SIPA1L1: variants seen among roughly 807,000 people sequenced by gnomAD.
SIPA1L1 encodes signal-induced proliferation-associated 1-like protein 1.
SIPA1L1 carries 26 observed loss-of-function variants against 162.7 expected under a neutral mutation model. The observed-to-expected ratio is 0.16, with a 90% CI of 0.12 to 0.22. The LOEUF is 0.22. SIPA1L1 is among the 10% of genes least tolerant of loss of function. The pLI is 1.00. For missense variants in SIPA1L1, 1,874 were observed against 2,241.0 expected (o/e 0.84, Z 3.31); for synonymous variants, 829 against 837.4 (o/e 0.99, Z 0.17).
intron 3 of SIPA1L1, among the ~76,000 whole-genome samples, chr14:71,527,009 T>G (rs1403046451): frequency 6.6e-6 from 1 of 152,232 alleles, no homozygotes; most frequent in African/African-American, 2.4e-5. Flanking sequence ...AGTCTTGGTG[T>G]TGTCAGATTT....
chr14:71,628,605 G>GT (rs2040265479), intron 7 of SIPA1L1, among the ~76,000 whole-genome samples: 1 of 152,212 alleles, frequency 6.6e-6, no homozygotes, highest in South Asian at 2.1e-4. Flanking sequence ...AAATAGGCTA[G>GT]TAAGACATAG....
At chr14:71,597,437 C>T (rs1451154612) in intron 5 of SIPA1L1, among the ~76,000 whole-genome samples, 2 of 151,606 alleles carry the variant, frequency 1.3e-5, no homozygotes, top group African/African-American at 4.9e-5. Flanking sequence ...GTTTTTTCTT[C>T]TTCATGCTGT....
intron 2 of SIPA1L1, among the ~76,000 whole-genome samples, chr14:71,462,735 A>G (rs962246326): frequency 9.9e-5 from 15 of 152,208 alleles, no homozygotes; most frequent in Non-Finnish European, 1.6e-4. Flanking sequence ...CACTCAGCAT[A>G]ATGTCATCAA....
intron 2 of SIPA1L1, among the ~76,000 whole-genome samples, chr14:71,342,247 A>G (rs535490388): frequency 8.5e-5 from 13 of 152,098 alleles, no homozygotes; most frequent in African/African-American, 3.1e-4. Context: ...CAAATGATCC[A>G]CCTGCATTTT....
chr14:71,413,569 C>A (rs190978515), intron 2 of SIPA1L1, among the ~76,000 whole-genome samples: 5 of 152,254 alleles, frequency 3.3e-5, no homozygotes, highest in Non-Finnish European at 5.9e-5. Flanking sequence ...GAAACCCCGT[C>A]TCTGCTAAAA....
chr14:71,678,954 G>A (rs561360980), intron 12 of SIPA1L1, among the ~76,000 whole-genome samples: 4 of 152,176 alleles, frequency 2.6e-5, no homozygotes, highest in African/African-American at 9.6e-5. Context: ...CCAAATCTAC[G>A]TCTGATTGGT....
chr14:71,462,157 A>G (rs1347884327), intron 2 of SIPA1L1, among the ~76,000 whole-genome samples: 1 of 152,230 alleles, frequency 6.6e-6, no homozygotes, highest in African/African-American at 2.4e-5. Flanking sequence ...CCCATAGTCA[A>G]ATGTTCAGTT....
chr14:71,352,584 T>G (rs1566921273), intron 2 of SIPA1L1, among the ~76,000 whole-genome samples: 1 of 152,208 alleles, frequency 6.6e-6, no homozygotes. Flanking sequence ...AGTTTATTCA[T>G]TTTTGTTGCT....
Position 71,564,580 on chromosome 14 carries a change from G to A in SIPA1L1, c.-302-22991G>A, listed in dbSNP as rs2029935505. Among the ~76,000 whole-genome samples the A allele has an allele frequency of 2.8e-5, 4 of 144,844 alleles. No homozygotes were observed. In the South Asian group the frequency reaches 8.7e-4, roughly 32 times the overall value. ...GGCTCACTGCAACCTCTGCCTCCCAGGGGTTCAGGCAATTCTCCTGCCTCA... is the reference window on the plus strand; with the variant it reads ...GGCTCACTGCAACCTCTGCCTCCCAAGGGTTCAGGCAATTCTCCTGCCTCA... On this transcript the variant is annotated intron_variant, in intron 4 of 23. Transcript: ENST00000381232.
At chr14:71,432,324 C>T (rs1242254661) in intron 2 of SIPA1L1, among the ~76,000 whole-genome samples, 3 of 152,140 alleles carry the variant, frequency 2.0e-5, no homozygotes, top group African/African-American at 4.8e-5. Context: ...CCTCCTGCCT[C>T]GGCCTCCCAG....
intron 3 of SIPA1L1, among the ~76,000 whole-genome samples, chr14:71,522,818 C>G (rs559823073): frequency 6.6e-6 from 1 of 151,942 alleles, no homozygotes. Flanking sequence ...CTCAGCCTCC[C>G]GAGTAGTTGG....
intron 2 of SIPA1L1, among the ~76,000 whole-genome samples, chr14:71,474,021 C>A (rs140639663): frequency 7.8e-4 from 119 of 152,318 alleles, no homozygotes; most frequent in African/African-American, 2.8e-3. Context: ...AAGGGTCCTG[C>A]ATTCCCTTGT....
chr14:71,738,985 C>T (rs371544949), intron 23 of SIPA1L1, 33 bp from the exon 24 acceptor site: 7 of 1,605,628 alleles, frequency 4.4e-6, no homozygotes, highest in Non-Finnish European at 6.0e-6. Context: ...GGGCCAACAC[C>T]TCTTAGCTTT....
chr14:71,427,834 T>C (rs1286840750), intron 2 of SIPA1L1, among the ~76,000 whole-genome samples: 2 of 152,074 alleles, frequency 1.3e-5, no homozygotes, highest in African/African-American at 2.4e-5. Flanking sequence ...TTCCTTTAGT[T>C]CTTTGTTTAT....
At chr14:71,420,564 T>TC (rs1426974374) in intron 2 of SIPA1L1, among the ~76,000 whole-genome samples, 3 of 152,216 alleles carry the variant, frequency 2.0e-5, no homozygotes, top group African/African-American at 7.2e-5. Flanking sequence ...TTCACTAACA[T>TC]CCAGAAGTAA....
intron 4 of SIPA1L1, among the ~76,000 whole-genome samples, chr14:71,563,576 A>T (rs550512760): frequency 6.6e-6 from 1 of 152,376 alleles, no homozygotes; most frequent in East Asian, 1.9e-4. Context: ...TGAGTGTAAC[A>T]TCTGAACTAA....
chr14:71,656,908 G>A (rs1249745001), intron 8 of SIPA1L1, among the ~76,000 whole-genome samples: 1 of 152,188 alleles, frequency 6.6e-6, no homozygotes, highest in Non-Finnish European at 1.5e-5. Flanking sequence ...TGGGGGGTGG[G>A]CCCTGGGAAT....
chr14:71,653,313 T>C (rs923280418), intron 8 of SIPA1L1, among the ~76,000 whole-genome samples: 1 of 152,170 alleles, frequency 6.6e-6, no homozygotes, highest in Middle Eastern at 3.2e-3. Flanking sequence ...TTATAATTCG[T>C]TGGTAGTTGT....
chr14:71,436,526 G>A (rs1416038682), intron 2 of SIPA1L1, among the ~76,000 whole-genome samples: 1 of 152,068 alleles, frequency 6.6e-6, no homozygotes, highest in Non-Finnish European at 1.5e-5. Flanking sequence ...CCACACTGAT[G>A]TCACATTTTA....
Sources: gnomAD v4.1 joint callset for allele counts (sites outside exome capture counted in the v4.1 genomes callset) on GRCh38, gnomAD v4.1.1 for gene constraint, MANE v1.5 for transcripts, NCBI Gene and HGNC (gene_info 2026-07-23, HGNC 2026-07-21) for gene names.